Variants in WSCD2 observed in about 807,000 individuals in gnomAD.
WSCD2 encodes WSC domain sialate O sulfotransferase 2, also known as sialate:O-sulfotransferase 2.
Under a neutral mutation model 55.7 loss-of-function variants are expected in WSCD2, and 28 were observed. That is an observed-to-expected ratio of 0.50 (90% CI 0.37 to 0.69). The LOEUF (loss-of-function observed/expected upper bound fraction) is 0.69. WSCD2 is among the 30% of genes least tolerant of loss of function. The pLI, the probability that WSCD2 is intolerant of heterozygous loss-of-function variation, is 0.00. For synonymous variants in WSCD2, 301 were observed against 301.9 expected (o/e 1.00, Z 0.03); for missense variants, 616 against 762.1 (o/e 0.81, Z 2.26).
At chr12:108,218,748 C>T (rs1258063519) in intron 4 of WSCD2, among the ~76,000 whole-genome samples, 2 of 152,196 alleles carry the variant, frequency 1.3e-5, no homozygotes, top group Non-Finnish European at 2.9e-5. Flanking sequence ...GTCAGACATG[C>T]ACACTCCCAT....
intron 1 of WSCD2, among the ~76,000 whole-genome samples, chr12:108,186,823 C>T (rs759278868): frequency 3.3e-5 from 5 of 152,138 alleles, no homozygotes; most frequent in Non-Finnish European, 7.4e-5. Flanking sequence ...TTTGGTATAC[C>T]TAGCACCATG....
At chr12:108,205,393 A>C (rs1029361472) in intron 2 of WSCD2, among the ~76,000 whole-genome samples, 6 of 152,062 alleles carry the variant, frequency 3.9e-5, no homozygotes, top group African/African-American at 1.4e-4. Flanking sequence ...TGAATGTCCA[A>C]ATAATAATAA....
intron 2 of WSCD2, among the ~76,000 whole-genome samples, chr12:108,202,834 A>G (rs909486313): frequency 1.3e-5 from 2 of 152,234 alleles, no homozygotes; most frequent in Admixed American, 1.3e-4. Flanking sequence ...AAACCTGCAC[A>G]TGTACCCTGC....
intron 1 of WSCD2, among the ~76,000 whole-genome samples, chr12:108,166,716 C>T (rs7975964): frequency 0.68 from 101,428 of 150,006 alleles, 35,847 homozygotes; most frequent in East Asian, 0.91. Context: ...CTTTCTTTCC[C>T]TCCTTCTTTC....
intron 1 of WSCD2, among the ~76,000 whole-genome samples, chr12:108,154,458 G>A (rs553326122): frequency 1.3e-5 from 2 of 152,268 alleles, no homozygotes; most frequent in South Asian, 2.1e-4. Context: ...GCCCTCATAA[G>A]GATGCTTGTG....
chr12:108,137,821 C>T (rs1876374933), intron 1 of WSCD2, among the ~76,000 whole-genome samples: 1 of 152,196 alleles, frequency 6.6e-6, no homozygotes, highest in Non-Finnish European at 1.5e-5. Flanking sequence ...CTGAAAAATT[C>T]ACGTACGTGG....
chr12:108,211,663 A>G (rs898194743), intron 4 of WSCD2, among the ~76,000 whole-genome samples: 2 of 148,354 alleles, frequency 1.3e-5, no homozygotes, highest in African/African-American at 4.9e-5. Context: ...ATATATATAT[A>G]TATTTTTTGA....
chr12:108,187,519 C>T (rs549465770), intron 1 of WSCD2, among the ~76,000 whole-genome samples: 2 of 152,332 alleles, frequency 1.3e-5, no homozygotes, highest in East Asian at 1.9e-4. Flanking sequence ...CACTTGCTAG[C>T]TGTGTGATGC....
chr12:108,180,135 G>C (rs766558366), intron 1 of WSCD2, among the ~76,000 whole-genome samples: 6 of 151,824 alleles, frequency 4.0e-5, no homozygotes, highest in Non-Finnish European at 7.4e-5. Context: ...GTAAAATTGG[G>C]ATTGATTTTG....
At chr12:108,190,256 C>G (rs1386016915) in intron 1 of WSCD2, among the ~76,000 whole-genome samples, 1 of 152,152 alleles carries the variant, frequency 6.6e-6, no homozygotes, top group African/African-American at 2.4e-5. Context: ...GAAATTTTAC[C>G]TGGGCTCCCC....
At chr12:108,211,432 T>C (rs777331468) in intron 4 of WSCD2, among the ~76,000 whole-genome samples, 7 of 152,150 alleles carry the variant, frequency 4.6e-5, no homozygotes, top group African/African-American at 7.2e-5. Flanking sequence ...TCCCAGGTGA[T>C]GCCAGGATGC....
At chr12:108,241,100 T>G (rs1889709747) in intron 8 of WSCD2, among the ~76,000 whole-genome samples, 1 of 152,042 alleles carries the variant, frequency 6.6e-6, no homozygotes. Context: ...AGAGCACAGG[T>G]ACAGGGCATC....
At chr12:108,239,920 T>C (rs1454586346) in intron 7 of WSCD2, among the ~76,000 whole-genome samples, 2 of 152,068 alleles carry the variant, frequency 1.3e-5, no homozygotes, top group Non-Finnish European at 2.9e-5. Flanking sequence ...GGGGTCTCAC[T>C]ATGTTGCCCA....
chr12:108,209,696 A>T (rs1210677648), intron 3 of WSCD2, among the ~76,000 whole-genome samples: 1 of 151,842 alleles, frequency 6.6e-6, no homozygotes, highest in Non-Finnish European at 1.5e-5. Flanking sequence ...CTGCAAGGCC[A>T]ACTCTGCAGC....
At chr12:108,131,452 C>T (rs1218624669) in intron 1 of WSCD2, among the ~76,000 whole-genome samples, 2 of 152,216 alleles carry the variant, frequency 1.3e-5, no homozygotes, top group African/African-American at 2.4e-5. Context: ...AGTGACTTCC[C>T]TCTCCACGCT....
chr12:108,246,701 A>G (rs1390136225), intron 8 of WSCD2, among the ~76,000 whole-genome samples: 1 of 152,128 alleles, frequency 6.6e-6, no homozygotes, highest in Non-Finnish European at 1.5e-5. Flanking sequence ...TGACACTTCC[A>G]TGAAAAATGA....
chr12:108,233,403 G>A (rs1223725501), intron 7 of WSCD2, among the ~76,000 whole-genome samples: 1 of 152,188 alleles, frequency 6.6e-6, no homozygotes, highest in Non-Finnish European at 1.5e-5. Context: ...ACTGAGCACC[G>A]GAATGTTCTG....
chr12:108,142,643 A>G (rs1034673082), intron 1 of WSCD2, among the ~76,000 whole-genome samples: 1 of 152,178 alleles, frequency 6.6e-6, no homozygotes, highest in Non-Finnish European at 1.5e-5. Context: ...CAACTTAAAC[A>G]TCCTTACACT....
chr12:108,154,362 C>G (rs1412058765), intron 1 of WSCD2, among the ~76,000 whole-genome samples: 1 of 152,166 alleles, frequency 6.6e-6, no homozygotes, highest in Non-Finnish European at 1.5e-5. Flanking sequence ...GTCATGACCC[C>G]TTTTCATCCT....
Sources: gnomAD v4.1 joint callset for allele counts (sites outside exome capture counted in the v4.1 genomes callset) on GRCh38, gnomAD v4.1.1 for gene constraint, MANE v1.5 for transcripts, NCBI Gene and HGNC (gene_info 2026-07-23, HGNC 2026-07-21) for gene names.